Variants in EFR3A observed in about 807,000 individuals in gnomAD.
EFR3A encodes the protein protein EFR3 homolog A.
A neutral mutation model predicts 104.4 loss-of-function variants in EFR3A; 76 were observed. The ratio of observed to expected loss-of-function variants is 0.73; its 90% confidence interval spans 0.60 to 0.88. The LOEUF (loss-of-function observed/expected upper bound fraction) is 0.88, where lower values mean the gene tolerates loss of function less well. EFR3A is among the 40% of genes least tolerant of loss of function. The probability of loss-of-function intolerance (pLI) is 0.00; values close to 1 mark genes in which losing one functional copy is unlikely to be tolerated. For synonymous variants in EFR3A, 330 were observed against 330.0 expected, an observed-to-expected ratio of 1.00 and a Z score of 0.00; for missense variants, 985 against 1,012.5, an observed-to-expected ratio of 0.97 and a Z score of 0.37.
chr8:131,984,368 G>T, intron 15 of EFR3A, 68 bp downstream of exon 15: 1 of 1,381,296 alleles, frequency 7.2e-7, no homozygotes. Context: ...TTGAAATGTT[G>T]CCGTTATCCA....
At chr8:131,909,972 C>T (rs781542769) in intron 1 of EFR3A, among the ~76,000 whole-genome samples, 12 of 152,206 alleles carry the variant, frequency 7.9e-5, no homozygotes, top group Non-Finnish European at 5.9e-5. Flanking sequence ...TAGGCATTGC[C>T]GTCTCAGTGC....
rs760921818 is a variant in EFR3A, at chr8:131,968,379, A to G, written c.940A>G (p.Ile314Val). 5.0e-5 allele frequency: 80 copies of G among 1,613,524 alleles called. No individual in the cohort carries two copies. The highest frequency in any genetic ancestry group is 6.7e-5 in the Non-Finnish European group (79 of 1,179,662). ...AGATGCTCCCCGGGTTCGAGCAGGT[A>G]TTATTCAGGTTCTGTTAGAGGCTGT... ...KKDAPRVRAG[I>V]IQVLLEAVAI... The change falls in exon 9 of 23, where the codon ATT (isoleucine) becomes GTT (valine). Residue 314 changes from isoleucine (I) to valine (V), a missense_variant. By Grantham distance (29) the Ile-to-Val change is conservative. Coordinates refer to ENST00000254624, the MANE Select transcript of EFR3A (RefSeq NM_015137.6).
At chr8:131,943,247 A>C (rs1818249598) in intron 2 of EFR3A, among the ~76,000 whole-genome samples, 1 of 152,108 alleles carries the variant, frequency 6.6e-6, no homozygotes, top group African/African-American at 2.4e-5. Flanking sequence ...TGGATGAGGT[A>C]TCCTCAACCT....
At chr8:131,965,954 C>G (rs1015040925) in intron 8 of EFR3A, among the ~76,000 whole-genome samples, 12 of 151,892 alleles carry the variant, frequency 7.9e-5, no homozygotes, top group Non-Finnish European at 1.2e-4. Context: ...AGCAAACTAT[C>G]GCAAGGACAA....
At chr8:131,953,735 A>G in intron 5 of EFR3A, 83 bp from the exon 6 acceptor site, 7 of 1,202,714 alleles carry the variant, frequency 5.8e-6, no homozygotes, top group Non-Finnish European at 7.8e-6. Flanking sequence ...TTTACTTGAT[A>G]TCCATTCTCT....
At chr8:131,963,255 C>A (rs1819500373) in intron 8 of EFR3A, among the ~76,000 whole-genome samples, 1 of 152,098 alleles carries the variant, frequency 6.6e-6, no homozygotes, top group Non-Finnish European at 1.5e-5. Flanking sequence ...ACACAAAAAA[C>A]CCTTCAAAAA....
At chr8:131,968,228 A>T in intron 8 of EFR3A, 67 bp from the exon 9 acceptor site, 1 of 1,482,486 alleles carries the variant, frequency 6.7e-7, no homozygotes, top group Non-Finnish European at 9.1e-7. Context: ...TGTTTTTTTT[A>T]TTCTTAGGAA....
chr8:131,943,372 AG>A (rs1453908595), intron 2 of EFR3A, among the ~76,000 whole-genome samples: 2 of 152,170 alleles, frequency 1.3e-5, no homozygotes, highest in East Asian at 3.9e-4. Flanking sequence ...AAAATTAGTA[AG>A]GGATTAAAAA....
intron 2 of EFR3A, among the ~76,000 whole-genome samples, chr8:131,943,162 G>A (rs141821546): frequency 6.6e-6 from 1 of 152,178 alleles, no homozygotes. Context: ...GGATATCTAA[G>A]TAGTTAAGTA....
chr8:131,988,190 TATA>T (rs374364825), intron 18 of EFR3A, among the ~76,000 whole-genome samples: 51,137 of 151,944 alleles, frequency 0.34, 8,996 homozygotes, highest in East Asian at 0.61. Context: ...CTGTGAACTA[TATA>T]TTTTCCCATT....
intron 1 of EFR3A, among the ~76,000 whole-genome samples, chr8:131,917,274 T>TAAG (rs1221943337): frequency 2.0e-5 from 3 of 152,234 alleles, no homozygotes; most frequent in Non-Finnish European, 4.4e-5. Flanking sequence ...GAGTTTTCAG[T>TAAG]AAGATTTCTT....
chr8:131,964,514 G>A (rs1238738915), intron 8 of EFR3A, among the ~76,000 whole-genome samples: 57 of 151,910 alleles, frequency 3.8e-4, no homozygotes, highest in Admixed American at 2.4e-3. Context: ...CCAACTTACA[G>A]GGGATGTGAA....
chr8:131,964,096 C>G (rs1778868768), intron 8 of EFR3A, among the ~76,000 whole-genome samples: 2 of 152,134 alleles, frequency 1.3e-5, no homozygotes, highest in Admixed American at 1.3e-4. Context: ...CTGTCTATGA[C>G]AAACCCACAG....
intron 1 of EFR3A, among the ~76,000 whole-genome samples, chr8:131,937,779 CTTT>C (rs78277313): frequency 7.3e-6 from 1 of 137,766 alleles, no homozygotes; most frequent in African/African-American, 2.7e-5. Flanking sequence ...TCATCCCCCT[CTTT>C]TTTTTTTTTT....
chr8:131,929,498 A>C lies in EFR3A; in HGVS notation c.11-11001A>C, dbSNP rs571864970. ...AATTTAGTCATTACTTCTTGCAGAA[A>C]GGTTTGTTATCCCATTAGCTATTAT... On this transcript the variant is annotated intron_variant, in intron 1 of 22. Transcript: ENST00000254624. 1.4e-4 allele frequency among the ~76,000 whole-genome samples: 21 copies of C among 152,202 alleles called. 1 individual carries two copies. In the East Asian group the frequency reaches 4.1e-3, roughly 29 times the overall value.
chr8:131,923,411 A>G (rs1207704651), intron 1 of EFR3A, among the ~76,000 whole-genome samples: 2 of 152,018 alleles, frequency 1.3e-5, no homozygotes, highest in Non-Finnish European at 2.9e-5. Flanking sequence ...ACATATAATA[A>G]AATGTTTTGT....
At chr8:131,986,489 A>G (rs1445672905) in intron 17 of EFR3A, among the ~76,000 whole-genome samples, 1 of 152,154 alleles carries the variant, frequency 6.6e-6, no homozygotes, top group Non-Finnish European at 1.5e-5. Flanking sequence ...AAAATTTTTT[A>G]AGAATAAGAC....
At chr8:132,007,546 G>A (rs1037632868) in intron 22 of EFR3A, among the ~76,000 whole-genome samples, 3 of 151,910 alleles carry the variant, frequency 2.0e-5, no homozygotes, top group African/African-American at 7.2e-5. Flanking sequence ...TTTCTTTCAA[G>A]TTGATCTGTA....
intron 10 of EFR3A, among the ~76,000 whole-genome samples, chr8:131,971,011 T>C (rs890041120): frequency 6.6e-6 from 1 of 152,182 alleles, no homozygotes; most frequent in African/African-American, 2.4e-5. Flanking sequence ...ATGCATATTT[T>C]TTTCTAAACC....
Sources: gnomAD v4.1 joint callset for allele counts (sites outside exome capture counted in the v4.1 genomes callset) on GRCh38, gnomAD v4.1.1 for gene constraint, MANE v1.5 for transcripts, NCBI Gene and HGNC (gene_info 2026-07-23, HGNC 2026-07-21) for gene names.